PDE1C: variants seen among roughly 807,000 people sequenced by gnomAD.
PDE1C encodes phosphodiesterase 1C.
A neutral mutation model predicts 93.1 loss-of-function variants in PDE1C; 62 were observed. The observed-to-expected ratio is 0.67, with a 90% CI of 0.54 to 0.82. The LOEUF (loss-of-function observed/expected upper bound fraction) is 0.82, where lower values mean the gene tolerates loss of function less well. Among genes scored for constraint, PDE1C ranks in the 40% least tolerant of loss-of-function variants. The pLI, the probability that PDE1C is intolerant of heterozygous loss-of-function variation, is 0.00. For synonymous variants in PDE1C, 325 were observed against 310.1 expected (o/e 1.05, Z -0.50); for missense variants, 742 against 884.6 (o/e 0.84, Z 2.04).
At position 32,027,030 on chromosome 7, in the gene PDE1C, G is replaced by A. The variant is rs182025584; in HGVS notation, c.128+24524C>T. ...GTTTGGAGGAGGAAAAGTTGAATAG[G>A]CAGAGCACAGAGAGTTTTCAGGGCA... On this transcript the variant is annotated intron_variant, in intron 2 of 17. Transcript: ENST00000396191. Among the ~76,000 whole-genome samples the A allele has an allele frequency of 5.2e-4, 79 of 152,220 alleles. 1 individual carries two copies. Among genetic ancestry groups the A allele is most frequent in the African/African-American group, 1.8e-3 (75 of 41,540 alleles).
At chr7:32,029,245 G>A (rs1789931369) in intron 2 of PDE1C, among the ~76,000 whole-genome samples, 1 of 43,222 alleles carries the variant, frequency 2.3e-5, no homozygotes, top group Non-Finnish European at 5.4e-5. Flanking sequence ...TGGCAGGAAT[G>A]TAAATTAGTA....
chr7:32,108,960 T>C (rs531337889), intron 3 of PDE1C, among the ~76,000 whole-genome samples: 1 of 152,334 alleles, frequency 6.6e-6, no homozygotes, highest in African/African-American at 2.4e-5. Context: ...TTCTGATTCA[T>C]CTGGCCTTCA....
At chr7:32,100,114 G>C (rs531061585) in intron 3 of PDE1C, among the ~76,000 whole-genome samples, 3 of 152,196 alleles carry the variant, frequency 2.0e-5, no homozygotes, top group Non-Finnish European at 4.4e-5. Flanking sequence ...CCCATGCCCA[G>C]TGTCTAGCAT....
chr7:32,322,607 TTTTTTC>T (rs1404280471), intron 1 of PDE1C, among the ~76,000 whole-genome samples: 5 of 93,250 alleles, frequency 5.4e-5, no homozygotes, highest in Admixed American at 1.8e-4. Flanking sequence ...CCATCTCTAT[TTTTTTC>T]TTTTTTCTTT....
chr7:31,986,367 T>C (rs1351397995), intron 2 of PDE1C, among the ~76,000 whole-genome samples: 7 of 152,202 alleles, frequency 4.6e-5, no homozygotes, highest in Non-Finnish European at 1.0e-4. Context: ...CCCACTCTAA[T>C]CCAGGATGAC....
chr7:31,833,466 G>A (rs1192764129), intron 11 of PDE1C, among the ~76,000 whole-genome samples: 1 of 152,188 alleles, frequency 6.6e-6, no homozygotes, highest in Non-Finnish European at 1.5e-5. Flanking sequence ...ATAAGAAAAT[G>A]TGGGAAATTT....
At chr7:31,940,054 G>A (rs1024169185) in intron 2 of PDE1C, among the ~76,000 whole-genome samples, 9 of 152,188 alleles carry the variant, frequency 5.9e-5, no homozygotes, top group Admixed American at 3.9e-4. Context: ...TAGAATCACC[G>A]GGGGAAGTTT....
chr7:32,083,454 C>T (rs1397290113), intron 3 of PDE1C, among the ~76,000 whole-genome samples: 2 of 152,140 alleles, frequency 1.3e-5, no homozygotes, highest in South Asian at 2.1e-4. Flanking sequence ...AGAACTTCCC[C>T]AGTCTAGCAA....
chr7:32,286,585 C>T (rs1812016596), intron 1 of PDE1C, among the ~76,000 whole-genome samples: 1 of 152,200 alleles, frequency 6.6e-6, no homozygotes, highest in South Asian at 2.1e-4. Flanking sequence ...AGAAAAGTTT[C>T]ACCTGCCTCA....
At chr7:31,707,132 GTGTC>G in the PDE1C span, 13 of 1,410,448 alleles carry the variant, frequency 9.2e-6, no homozygotes, top group Non-Finnish European at 1.3e-5. Flanking sequence ...CCTTTGTACT[GTGTC>G]TGTCTGCAAC....
At chr7:32,268,390 CTAA>C (rs1477647115) in intron 1 of PDE1C, among the ~76,000 whole-genome samples, 1 of 152,054 alleles carries the variant, frequency 6.6e-6, no homozygotes, top group East Asian at 1.9e-4. Flanking sequence ...GAAAATGAGA[CTAA>C]TGATACCTTT....
intron 16 of PDE1C, among the ~76,000 whole-genome samples, chr7:31,794,729 C>A (rs1785076395): frequency 6.6e-6 from 1 of 151,928 alleles, no homozygotes; most frequent in African/African-American, 2.4e-5. Flanking sequence ...CACAGAGGTG[C>A]AGGTGAGGGT....
At chr7:31,678,845 C>T in the PDE1C span, among the ~76,000 whole-genome samples, 3 of 152,026 alleles carry the variant, frequency 2.0e-5, no homozygotes, top group East Asian at 1.9e-4. Context: ...TAGTTCAGGG[C>T]GTAGTGGGCA....
intron 1 of PDE1C, among the ~76,000 whole-genome samples, chr7:32,316,888 T>G (rs1783185721): frequency 6.6e-6 from 1 of 152,236 alleles, no homozygotes; most frequent in Admixed American, 6.5e-5. Flanking sequence ...ACACACTGCC[T>G]CTCAAGCCAA....
At chr7:32,067,037 C>G (rs940217708) in intron 1 of PDE1C, among the ~76,000 whole-genome samples, 2 of 152,218 alleles carry the variant, frequency 1.3e-5, no homozygotes, top group Non-Finnish European at 2.9e-5. Flanking sequence ...CAGCTAGCCT[C>G]TGAGCGTTAG....
intron 2 of PDE1C, among the ~76,000 whole-genome samples, chr7:32,172,148 C>T (rs956787737): frequency 6.6e-5 from 10 of 151,742 alleles, no homozygotes; most frequent in Non-Finnish European, 1.2e-4. Context: ...GAAGACATTA[C>T]CATTACCATT....
chr7:32,127,427 A>G (rs1460529043), intron 3 of PDE1C, among the ~76,000 whole-genome samples: 1 of 152,142 alleles, frequency 6.6e-6, no homozygotes, highest in Non-Finnish European at 1.5e-5. Context: ...GTACTTTACT[A>G]TAATAGGAAC....
At chr7:31,954,682 CA>C (rs1026418028) in intron 2 of PDE1C, among the ~76,000 whole-genome samples, 3 of 152,166 alleles carry the variant, frequency 2.0e-5, no homozygotes, top group African/African-American at 4.8e-5. Flanking sequence ...GTTTATCACA[CA>C]AAACCACCAT....
At chr7:32,179,126 T>C (rs1803206586) in intron 2 of PDE1C, among the ~76,000 whole-genome samples, 1 of 152,224 alleles carries the variant, frequency 6.6e-6, no homozygotes. Context: ...CTGTGTTTAT[T>C]ACTTTATTAC....
Sources: allele counts gnomAD v4.1 joint callset (sites outside exome capture counted in the v4.1 genomes callset), GRCh38; gene constraint gnomAD v4.1.1; transcripts MANE v1.5; gene names NCBI Gene and HGNC (gene_info 2026-07-23, HGNC 2026-07-21).